KCNT2: variants seen among roughly 807,000 people sequenced by gnomAD.
The protein encoded by KCNT2 is potassium sodium-activated channel subfamily T member 2, also known as potassium channel subfamily T member 2.
Under a neutral mutation model 153.8 loss-of-function variants are expected in KCNT2, and 67 were observed. The ratio of observed to expected loss-of-function variants is 0.44; its 90% CI spans 0.36 to 0.53. The LOEUF is 0.53. KCNT2 is among the 20% of genes least tolerant of loss of function. The pLI, the probability that KCNT2 is intolerant of heterozygous loss-of-function variation, is 0.00. For missense variants in KCNT2, 975 were observed against 1,354.8 expected (o/e 0.72, Z 4.40); for synonymous variants, 500 against 458.8 (o/e 1.09, Z -1.15).
chr1:196,573,826 T>C (rs1661046436), intron 1 of KCNT2, among the ~76,000 whole-genome samples: 1 of 151,918 alleles, frequency 6.6e-6, no homozygotes, highest in Non-Finnish European at 1.5e-5. Flanking sequence ...AGTTATTTTA[T>C]GTTTTTTTAA....
chr1:196,340,925 TA>T (rs1665562636), intron 15 of KCNT2, among the ~76,000 whole-genome samples: 1 of 151,890 alleles, frequency 6.6e-6, no homozygotes, highest in South Asian at 2.1e-4. Flanking sequence ...ATAAAAAGCT[TA>T]AAACTATTGG....
intron 21 of KCNT2, among the ~76,000 whole-genome samples, chr1:196,308,938 T>C (rs1379711281): frequency 6.6e-6 from 1 of 152,056 alleles, no homozygotes; most frequent in Admixed American, 6.6e-5. Flanking sequence ...AAGTTTTTAC[T>C]ATTAGAAATT....
chr1:196,578,380 T>C (rs899976862), intron 1 of KCNT2, among the ~76,000 whole-genome samples: 4 of 152,086 alleles, frequency 2.6e-5, no homozygotes, highest in African/African-American at 4.8e-5. Context: ...GGAGAAAGGA[T>C]TGGTGCAAAA....
chr1:196,362,183 C>T (rs1466851494), intron 14 of KCNT2, among the ~76,000 whole-genome samples: 1 of 152,028 alleles, frequency 6.6e-6, no homozygotes, highest in Non-Finnish European at 1.5e-5. Context: ...TTTTGAGAAA[C>T]TTTCTCCTCC....
chr1:196,244,650 G>A (rs748229011), intron 26 of KCNT2, among the ~76,000 whole-genome samples: 1 of 152,176 alleles, frequency 6.6e-6, no homozygotes, highest in African/African-American at 2.4e-5. Context: ...GATGGACTTT[G>A]CCTGTGGTTT....
intron 19 of KCNT2, among the ~76,000 whole-genome samples, chr1:196,321,865 A>G (rs1663351725): frequency 6.6e-6 from 1 of 151,990 alleles, no homozygotes; most frequent in African/African-American, 2.4e-5. Context: ...AGCTGACCTA[A>G]ATACATTGTC....
chr1:196,551,419 A>C, intron 1 of KCNT2, among the ~76,000 whole-genome samples: 1 of 151,740 alleles, frequency 6.6e-6, no homozygotes, highest in East Asian at 1.9e-4. Flanking sequence ...GTAAAGGGGG[A>C]TTCTTTGGTG....
intron 26 of KCNT2, among the ~76,000 whole-genome samples, chr1:196,256,086 C>CT (rs1571814913): frequency 6.6e-6 from 1 of 152,048 alleles, no homozygotes; most frequent in East Asian, 1.9e-4. Flanking sequence ...TAAGCATAAA[C>CT]ACAAGTATAA....
chr1:196,465,336 C>G lies in KCNT2; in HGVS notation c.595G>C (p.Val199Leu). ...AGTAATGTAGATATTAAAATCAAAACTTGATTAAACATTGCAGACTGTGTA... is the reference window on the plus strand; with the variant it reads ...AGTAATGTAGATATTAAAATCAAAAGTTGATTAAACATTGCAGACTGTGTA... ...QRTQSAMFNQ[V>L]LILISTLLCL... Residue 199 changes from valine (V) to leucine (L), a missense_variant, in exon 8 of 28, where the codon GTT becomes CTT. Physicochemically the swap from Val to Leu is conservative, Grantham distance 32. Coordinates refer to ENST00000294725, the MANE Select transcript of KCNT2 (RefSeq NM_198503.5). 6.2e-7 allele frequency: 1 copy of G among 1,607,310 alleles called. No individual in the cohort carries two copies. Among genetic ancestry groups the G allele is most frequent in the Non-Finnish European group, 8.5e-7 (1 of 1,174,526 alleles).
At chr1:196,288,737 C>G (rs1403716712) in intron 22 of KCNT2, among the ~76,000 whole-genome samples, 2 of 152,022 alleles carry the variant, frequency 1.3e-5, no homozygotes, top group Admixed American at 1.3e-4. Flanking sequence ...GATAATGAGG[C>G]AGATGATTGC....
chr1:196,479,688 G>T (rs1227872078), intron 4 of KCNT2, among the ~76,000 whole-genome samples: 2 of 152,160 alleles, frequency 1.3e-5, no homozygotes, highest in Non-Finnish European at 2.9e-5. Context: ...TGGGATTACA[G>T]GCGTGAGCCA....
At chr1:196,421,671 A>G (rs1673214482) in intron 12 of KCNT2, among the ~76,000 whole-genome samples, 1 of 152,028 alleles carries the variant, frequency 6.6e-6, no homozygotes. Context: ...AAGTTTTCCA[A>G]TCATTTTTTG....
chr1:196,511,806 C>T (rs1681656305), intron 1 of KCNT2, among the ~76,000 whole-genome samples: 1 of 152,120 alleles, frequency 6.6e-6, no homozygotes, highest in African/African-American at 2.4e-5. Flanking sequence ...ATAAGGTCCA[C>T]CCTAACAACC....
intron 1 of KCNT2, among the ~76,000 whole-genome samples, chr1:196,571,744 C>G (rs1482471010): frequency 1.3e-5 from 2 of 152,012 alleles, no homozygotes; most frequent in African/African-American, 2.4e-5. Context: ...ATTCATTATT[C>G]CCCTAGACAT....
chr1:196,590,227 A>G (rs573511280), intron 1 of KCNT2, among the ~76,000 whole-genome samples: 2 of 152,310 alleles, frequency 1.3e-5, no homozygotes, highest in African/African-American at 4.8e-5. Context: ...TACTTTTCCC[A>G]CACTTTTGAC....
At chr1:196,550,227 C>T (rs749037796) in intron 1 of KCNT2, among the ~76,000 whole-genome samples, 60 of 151,782 alleles carry the variant, frequency 4.0e-4, no homozygotes, top group Admixed American at 2.6e-3. Flanking sequence ...TCAAATAGAC[C>T]AAATTTCAAA....
chr1:196,435,785 T>TAATA (rs1485487414), intron 8 of KCNT2, among the ~76,000 whole-genome samples: 1 of 151,748 alleles, frequency 6.6e-6, no homozygotes, highest in Non-Finnish European at 1.5e-5. Flanking sequence ...GAATTGCCTG[T>TAATA]AATAGGTATA....
At chr1:196,303,143 C>T (rs1661339657) in intron 22 of KCNT2, among the ~76,000 whole-genome samples, 1 of 151,994 alleles carries the variant, frequency 6.6e-6, no homozygotes, top group African/African-American at 2.4e-5. Flanking sequence ...TTCTCTGTCC[C>T]TGAGATGGAT....
intron 14 of KCNT2, among the ~76,000 whole-genome samples, chr1:196,358,811 A>T (rs994759938): frequency 6.6e-6 from 1 of 151,944 alleles, no homozygotes; most frequent in African/African-American, 2.4e-5. Flanking sequence ...TATTTCTCTC[A>T]TCTCATCCTG....
Sources: gnomAD v4.1 joint callset for allele counts (sites outside exome capture counted in the v4.1 genomes callset) on GRCh38, gnomAD v4.1.1 for gene constraint, MANE v1.5 for transcripts, NCBI Gene and HGNC (gene_info 2026-07-23, HGNC 2026-07-21) for gene names.